Variants in FBN2 observed in about 807,000 individuals in gnomAD.
FBN2 encodes fibrillin-2.
A neutral mutation model predicts 355.6 loss-of-function variants in FBN2; 105 were observed. The ratio of observed to expected loss-of-function variants is 0.30; its 90% CI spans 0.25 to 0.35. The LOEUF (loss-of-function observed/expected upper bound fraction) is 0.35. Ranked by LOEUF, FBN2 falls within the 10% of genes least tolerant of loss-of-function variation. The pLI is 1.00. For synonymous variants in FBN2, 1,350 were observed against 1,301.2 expected, an observed-to-expected ratio of 1.04 and a Z score of -0.81; for missense variants, 3,280 against 3,758.7, an observed-to-expected ratio of 0.87 and a Z score of 3.33.
At chr5:128,388,287 TTATC>T (rs1346451566) in intron 11 of FBN2, among the ~76,000 whole-genome samples, 2 of 152,174 alleles carry the variant, frequency 1.3e-5, no homozygotes, top group South Asian at 4.1e-4. Context: ...TCTTATTTCT[TTATC>T]TATCTTGCCA....
At chr5:128,393,901 G>A (rs993246922) in intron 9 of FBN2, among the ~76,000 whole-genome samples, 4 of 152,072 alleles carry the variant, frequency 2.6e-5, no homozygotes, top group Admixed American at 6.5e-5. Context: ...TTTTGTCCAG[G>A]TGACAAAGTT....
At chr5:128,434,394 G>GCATATATATATATATATATA (rs1554068954) in intron 7 of FBN2, among the ~76,000 whole-genome samples, 4 of 91,678 alleles carry the variant, frequency 4.4e-5, no homozygotes, top group Non-Finnish European at 8.2e-5. Context: ...AATAAAGTGT[G>GCATATATATATATATATATA]TATATATATA....
chr5:128,381,252 A>G (rs906361109), intron 11 of FBN2, among the ~76,000 whole-genome samples: 1 of 152,126 alleles, frequency 6.6e-6, no homozygotes, highest in African/African-American at 2.4e-5. Context: ...GAAAAAGAGA[A>G]AAATATAATG....
chr5:128,333,586 T>C (rs1750750179), intron 31 of FBN2, among the ~76,000 whole-genome samples: 1 of 152,082 alleles, frequency 6.6e-6, no homozygotes. Flanking sequence ...AGGTGTATAT[T>C]TTTATTTCTT....
intron 36 of FBN2, among the ~76,000 whole-genome samples, chr5:128,315,634 C>T (rs1750180700): frequency 6.6e-6 from 1 of 152,194 alleles, no homozygotes; most frequent in Non-Finnish European, 1.5e-5. Context: ...TTCTACATCA[C>T]ATATTTCCTT....
chr5:128,334,546 C>A (rs1211920534), intron 31 of FBN2, among the ~76,000 whole-genome samples, 173 bp downstream of exon 31: 1 of 152,164 alleles, frequency 6.6e-6, no homozygotes, highest in Non-Finnish European at 1.5e-5. Flanking sequence ...CGTGCTACCA[C>A]AGAGACCAGC....
chr5:128,465,506 C>A (rs527396555), intron 5 of FBN2, among the ~76,000 whole-genome samples: 4 of 152,206 alleles, frequency 2.6e-5, no homozygotes, highest in Non-Finnish European at 5.9e-5. Flanking sequence ...TATGCTCCTT[C>A]CATATCACAC....
chr5:128,288,122 G>A (rs964771380), intron 53 of FBN2, among the ~76,000 whole-genome samples: 1 of 152,084 alleles, frequency 6.6e-6, no homozygotes. Flanking sequence ...AATATCCAGA[G>A]TATAAATCCA....
intron 7 of FBN2, among the ~76,000 whole-genome samples, chr5:128,420,098 T>C (rs886422003): frequency 1.3e-5 from 2 of 152,206 alleles, no homozygotes; most frequent in Non-Finnish European, 2.9e-5. Flanking sequence ...AGAGACTTTA[T>C]ATTGTTGGTA....
chr5:128,518,714 C>T (rs1756352521), intron 5 of FBN2, among the ~76,000 whole-genome samples: 2 of 152,194 alleles, frequency 1.3e-5, no homozygotes, highest in African/African-American at 4.8e-5. Flanking sequence ...TGACTGCTGA[C>T]AGCCATTTTA....
intron 50 of FBN2, 99 bp from the exon 51 acceptor site, chr5:128,290,046 G>T: frequency 1.3e-6 from 1 of 751,340 alleles, no homozygotes; most frequent in Non-Finnish European, 2.4e-6. Context: ...ACTTAATTAT[G>T]TTTCCATTAC....
intron 5 of FBN2, among the ~76,000 whole-genome samples, chr5:128,518,435 C>T (rs1561495033): frequency 2.0e-5 from 3 of 152,050 alleles, no homozygotes; most frequent in African/African-American, 4.8e-5. Flanking sequence ...TTTCTCTTAC[C>T]AAAAGGAAGC....
chr5:128,535,687 A>G (rs1756825975), intron 2 of FBN2, among the ~76,000 whole-genome samples: 1 of 152,192 alleles, frequency 6.6e-6, no homozygotes, highest in Admixed American at 6.5e-5. Flanking sequence ...GAAACAGAAT[A>G]AAATAATCAA....
intron 7 of FBN2, among the ~76,000 whole-genome samples, chr5:128,409,142 A>C (rs2127000678): frequency 6.6e-6 from 1 of 152,360 alleles, no homozygotes; most frequent in South Asian, 2.1e-4. Context: ...CTTTAAAAAA[A>C]CACATACATG....
intron 55 of FBN2, among the ~76,000 whole-genome samples, chr5:128,281,599 G>A (rs990943144): frequency 2.6e-5 from 4 of 152,086 alleles, no homozygotes; most frequent in Admixed American, 6.6e-5. Flanking sequence ...AGGCTTACTG[G>A]TTTCTTGGCT....
In FBN2 at chr5:128,307,157, G is replaced by C; in HGVS notation, c.5400C>G (p.Asp1800Glu). The change falls in exon 42 of 65, where the codon GAC (aspartate) becomes GAG (glutamate). Residue 1800 changes from aspartate to glutamate, a missense_variant. By Grantham distance (45) the Asp-to-Glu change is conservative. Around this residue, in one of 6 missense-constraint regions of FBN2, gnomAD observed 2,284 missense variants for 2,749.5 expected, o/e 0.83. Transcript: ENST00000262464. ...ICGNIPGFTF[D>E]IHTGKAVDID... ...CACCAACAGCTTTTCCTGTGTGAAT[G>C]TCAAAGGTGAATCCAGGAATATTTC... The C allele has an allele frequency of 6.2e-7, 1 of 1,610,988 alleles. No individual in the cohort carries two copies. The highest frequency in any genetic ancestry group is 1.7e-4 in the Middle Eastern group (1 of 6,036).
chr5:128,461,701 G>A (rs1003772520), intron 6 of FBN2, among the ~76,000 whole-genome samples: 4 of 152,134 alleles, frequency 2.6e-5, no homozygotes, highest in Non-Finnish European at 4.4e-5. Flanking sequence ...GTCCTTTGCT[G>A]GGACATGTAT....
intron 8 of FBN2, among the ~76,000 whole-genome samples, chr5:128,404,235 A>T (rs1488991108): frequency 6.6e-6 from 1 of 152,248 alleles, no homozygotes; most frequent in South Asian, 2.1e-4. Context: ...TCTCGTACAC[A>T]TTAATATGTT....
chr5:128,434,392 G>GTATATATA (rs1554068943), intron 7 of FBN2, among the ~76,000 whole-genome samples: 3 of 44,110 alleles, frequency 6.8e-5, no homozygotes, highest in African/African-American at 4.2e-4. Flanking sequence ...TGAATAAAGT[G>GTATATATA]TGTATATATA....
Sources: gnomAD v4.1 joint callset for allele counts (sites outside exome capture counted in the v4.1 genomes callset) on GRCh38, gnomAD v4.1.1 for gene constraint, gnomAD v4.1.1 regional missense constraint, MANE v1.5 for transcripts, NCBI Gene and HGNC (gene_info 2026-07-23, HGNC 2026-07-21) for gene names.